Variants in POLR3E observed in about 807,000 individuals in gnomAD.
POLR3E encodes the protein DNA-directed RNA polymerase III subunit RPC5.
Under a neutral mutation model 96.6 loss-of-function variants are expected in POLR3E, and 41 were observed. The ratio of observed to expected loss-of-function variants is 0.42; its 90% CI spans 0.33 to 0.55. POLR3E has a LOEUF of 0.55. POLR3E is among the 20% of genes least tolerant of loss of function. POLR3E has a pLI of 0.06. For synonymous variants in POLR3E, 396 were observed against 383.6 expected (o/e 1.03, Z -0.38); for missense variants, 849 against 952.1 (o/e 0.89, Z 1.43).
intron 2 of POLR3E, among the ~76,000 whole-genome samples, chr16:22,304,419 G>A (rs1006615801): frequency 6.6e-6 from 1 of 152,194 alleles, no homozygotes; most frequent in African/African-American, 2.4e-5. Flanking sequence ...TTGGTGATGG[G>A]ATAGAAGAGT....
At chr16:22,323,632 G>T (rs1055375197) in intron 14 of POLR3E, among the ~76,000 whole-genome samples, 3 of 152,086 alleles carry the variant, frequency 2.0e-5, no homozygotes, top group African/African-American at 7.2e-5. Flanking sequence ...AACTCCTCTG[G>T]GCAGTCGGTG....
chr16:22,325,476 C>A, intron 17 of POLR3E: 1 of 614,648 alleles, frequency 1.6e-6, no homozygotes. Flanking sequence ...TTGCGGATTC[C>A]AGGGCTGAGT....
chr16:22,299,920 G>T (rs1343475835), intron 1 of POLR3E, among the ~76,000 whole-genome samples: 1 of 151,738 alleles, frequency 6.6e-6, no homozygotes, highest in Non-Finnish European at 1.5e-5. Context: ...TCACTATGTT[G>T]CTCAGGCTGG....
At chr16:22,321,172 G>A (rs185800420) in intron 13 of POLR3E, among the ~76,000 whole-genome samples, 2 of 152,218 alleles carry the variant, frequency 1.3e-5, no homozygotes, top group African/African-American at 2.4e-5. Context: ...CCCAGTACCC[G>A]GAATAATGCC....
At chr16:22,303,049 G>A (rs1432614065) in intron 2 of POLR3E, 45 bp downstream of exon 2, 3 of 1,572,540 alleles carry the variant, frequency 1.9e-6, no homozygotes, top group Non-Finnish European at 1.8e-6. Context: ...TACAGGCAGT[G>A]GAATTGGGTC....
rs140752873 is a variant in POLR3E at position 22,322,881 on chromosome 16, C to T, written c.1018C>T (p.Pro340Ser). The T allele has an allele frequency of 1.4e-4, 227 of 1,613,364 alleles. No homozygotes were observed. The highest frequency in any genetic ancestry group is 1.7e-4 in the Non-Finnish European group (206 of 1,179,738). Residue 340 changes from proline (P) to serine (S), a missense_variant, in exon 14 of 21, where the codon CCT (proline) becomes TCT (serine). Pro to Ser is a moderately conservative substitution (Grantham distance 74). Transcript: ENST00000299853. The surrounding 1 kb of genome is among the most constrained non-coding windows in gnomAD (Gnocchi z 5.2). ...DILYPKDSSS[P>S]HSGVPAEVLC... ...CCTATACCCCAAGGACTCGTCCAGC[C>T]CTCACAGCGGCGTGCCTGCTGAGGT... is the stretch of plus-strand genomic sequence containing the variant.
intron 1 of POLR3E, among the ~76,000 whole-genome samples, chr16:22,300,688 C>T (rs1466380715): frequency 1.3e-5 from 2 of 152,250 alleles, no homozygotes; most frequent in African/African-American, 4.8e-5. Context: ...TGCACTGAAA[C>T]TGTCCAGATG....
At chr16:22,302,151 T>G (rs2141725168) in intron 1 of POLR3E, among the ~76,000 whole-genome samples, 1 of 151,984 alleles carries the variant, frequency 6.6e-6, no homozygotes, top group South Asian at 2.1e-4. Context: ...TGCCCAAAGC[T>G]CTCTCTTCTT....
Position 22,333,467 on chromosome 16 carries a change from A to C in POLR3E, c.2071-177A>C, listed in dbSNP as rs561637881. Among the ~76,000 whole-genome samples the C allele has an allele frequency of 2.6e-5, 4 of 151,350 alleles. No homozygotes were observed. In the East Asian group the frequency reaches 5.9e-4, roughly 22 times the overall value. ...AACTCTGTTTCAAAAAAAAAAAAAA[A>C]CACTACCCCTGAGGAAAGGGTGGCT... On this transcript the variant is annotated intron_variant, in intron 20 of 20. Coordinates refer to ENST00000299853, the MANE Select transcript of POLR3E (RefSeq NM_018119.4).
Position 22,318,976 on chromosome 16 carries a change from A to C in POLR3E, c.986+30A>C. On this transcript the variant is annotated intron_variant, in intron 13 of 20. Transcript: ENST00000299853. The surrounding 1 kb of genome is among the most constrained non-coding windows in gnomAD (Gnocchi z 5.0). ...GTTGCTTTTTTTATTTTTTATTTTTATTTATTTTTTTCCTTGAGGCAGAGC... is the reference window on the plus strand; with the variant it reads ...GTTGCTTTTTTTATTTTTTATTTTTCTTTATTTTTTTCCTTGAGGCAGAGC... The C allele has an allele frequency of 6.5e-7, 1 of 1,528,026 alleles. No homozygotes were observed. Among genetic ancestry groups the C allele is most frequent in the Non-Finnish European group, 8.9e-7 (1 of 1,127,778 alleles). The allele number at this position is 1,528,026 out of a possible 1,614,324, so 94.7% of individuals were successfully genotyped here. A position where few individuals can be genotyped will look rare whatever the true frequency, so the allele number is the denominator to read the frequency against.
intron 19 of POLR3E, among the ~76,000 whole-genome samples, chr16:22,330,211 G>C (rs796861213): frequency 2.6e-5 from 4 of 152,136 alleles, no homozygotes; most frequent in African/African-American, 9.6e-5. Flanking sequence ...TTACGGGCTT[G>C]TGCTGCCTCA....
intron 17 of POLR3E, 187 bp downstream of exon 17, chr16:22,325,453 C>T (rs1423794135): frequency 3.1e-6 from 2 of 640,534 alleles, no homozygotes; most frequent in Non-Finnish European, 5.5e-6. Flanking sequence ...AGCAGAGCCT[C>T]AGGGACGGAG....
intron 19 of POLR3E, chr16:22,331,561 A>G (rs1344480811): frequency 6.6e-6 from 1 of 152,604 alleles, no homozygotes; most frequent in Admixed American, 6.5e-5. Context: ...ACTGAATCCA[A>G]TCTTTTCCAT....
At chr16:22,310,702 G>A (rs1303050494) in intron 6 of POLR3E, among the ~76,000 whole-genome samples, 1 of 150,808 alleles carries the variant, frequency 6.6e-6, no homozygotes, top group African/African-American at 2.4e-5. Flanking sequence ...TTGGGAGGCC[G>A]AGGCAGGCCC....
intron 6 of POLR3E, among the ~76,000 whole-genome samples, chr16:22,311,868 C>A (rs2048254654): frequency 6.6e-6 from 1 of 152,088 alleles, no homozygotes; most frequent in African/African-American, 2.4e-5. Context: ...ACATGCTGTA[C>A]AGTGTGTAGC....
At chr16:22,320,501 T>C (rs2048450088) in intron 13 of POLR3E, among the ~76,000 whole-genome samples, 1 of 152,186 alleles carries the variant, frequency 6.6e-6, no homozygotes, top group Non-Finnish European at 1.5e-5. Flanking sequence ...CCTCAGGTGA[T>C]GCACCCATCT....
Position 22,325,915 on chromosome 16 carries a change from C to G in POLR3E, c.1503C>G (p.Pro501=). The change falls in exon 18 of 21, where the codon CCC becomes CCG. Residue 501 remains proline (P), a synonymous_variant. Transcript: ENST00000299853. ...VPPGVRIKEE[P]VSEEGEEDEE... is the part of the protein sequence containing the mutation. ...CCGGTGTGCGGATCAAGGAGGAGCCCGTGAGCGAGGAGGGCGAGGAGGACG... is the reference window on the plus strand; with the variant it reads ...CCGGTGTGCGGATCAAGGAGGAGCCGGTGAGCGAGGAGGGCGAGGAGGACG... 1.2e-6 allele frequency: 2 copies of G among 1,602,820 alleles called. No individual in the cohort carries two copies. Among genetic ancestry groups the G allele is most frequent in the Non-Finnish European group, 1.7e-6 (2 of 1,174,608 alleles).
At chr16:22,300,655 G>A (rs2048002143) in intron 1 of POLR3E, among the ~76,000 whole-genome samples, 1 of 152,194 alleles carries the variant, frequency 6.6e-6, no homozygotes, top group African/African-American at 2.4e-5. Context: ...ACTGCCCTCT[G>A]TCTGCACAGC....
chr16:22,312,893 A>AAAAAAAAAAAAAAAAG (rs1567315468), intron 6 of POLR3E, among the ~76,000 whole-genome samples: 1 of 151,814 alleles, frequency 6.6e-6, no homozygotes, highest in African/African-American at 2.4e-5. Context: ...AAAAAAAAAA[A>AAAAAAAAAAAAAAAAG]AAAACAGTAA....
Sources: allele counts gnomAD v4.1 joint callset (sites outside exome capture counted in the v4.1 genomes callset), GRCh38; gene constraint gnomAD v4.1.1; non-coding constraint Gnocchi (gnomAD v3.1); transcripts MANE v1.5; gene names NCBI Gene and HGNC (gene_info 2026-07-23, HGNC 2026-07-21).